CLASP2: variants seen among roughly 807,000 people sequenced by gnomAD.
The protein encoded by CLASP2 is cytoplasmic linker associated protein 2.
Under a neutral mutation model 194.4 loss-of-function variants are expected in CLASP2, and 47 were observed. The observed-to-expected ratio is 0.24, with a 90% confidence interval of 0.19 to 0.31. CLASP2 has a LOEUF of 0.31. Among genes scored for constraint, CLASP2 ranks in the 10% least tolerant of loss-of-function variants. The probability of loss-of-function intolerance (pLI) is 1.00; values close to 1 mark genes in which losing one functional copy is unlikely to be tolerated. For missense variants in CLASP2, 1,445 were observed against 1,823.6 expected, an observed-to-expected ratio of 0.79 and a Z score of 3.78; for synonymous variants, 619 against 633.5, an observed-to-expected ratio of 0.98 and a Z score of 0.34.
chr3:33,717,505 C>A (rs899849813), intron 1 of CLASP2, among the ~76,000 whole-genome samples: 3 of 152,094 alleles, frequency 2.0e-5, no homozygotes, highest in African/African-American at 7.2e-5. Context: ...CGGCTCACTG[C>A]AACCTCTGCC....
Position 33,688,308 on chromosome 3 carries a change from C to T in CLASP2, c.439G>A (p.Val147Met), listed in dbSNP as rs534242099. Residue 147 changes from valine to methionine, a missense_variant, in exon 4 of 39, where the codon GTG (valine) becomes ATG (methionine). This residue lies in a region of CLASP2 where 332 missense variants were observed against 325.3 expected (regional missense o/e 1.02). Coordinates refer to ENST00000682230, the MANE Select transcript of CLASP2 (RefSeq NM_001365631.1). The stretch of plus-strand genomic sequence containing the variant: ...AAGGTTTCAATAAGACACAGACACA[C>T]GCCTTCTCGAGATCGAAAATTCTTG... The part of the protein sequence containing the change: ...KHKNFRSREG[V>M]CLCLIETLNI... 65 of 1,591,162 alleles carry T rather than the reference C, an allele frequency of 4.1e-5. No individual in the cohort carries two copies. Among genetic ancestry groups the T allele is most frequent in the Middle Eastern group, 1.7e-4 (1 of 6,030 alleles).
At chr3:33,512,480 C>T (rs1488232715) in intron 36 of CLASP2, among the ~76,000 whole-genome samples, 1 of 35,008 alleles carries the variant, frequency 2.9e-5, no homozygotes, top group Non-Finnish European at 4.9e-5. Flanking sequence ...GTGGGTGCAG[C>T]GCACCAGCAT....
At chr3:33,703,508 C>A (rs2092502533) in intron 1 of CLASP2, among the ~76,000 whole-genome samples, 1 of 152,188 alleles carries the variant, frequency 6.6e-6, no homozygotes, top group Non-Finnish European at 1.5e-5. Flanking sequence ...GGTGGGAATG[C>A]AAAACAGTAC....
intron 30 of CLASP2, among the ~76,000 whole-genome samples, chr3:33,548,041 G>A (rs1327477834): frequency 2.0e-5 from 3 of 151,916 alleles, no homozygotes; most frequent in Non-Finnish European, 2.9e-5. Context: ...CTCCTAAAGT[G>A]CTGGGATTAC....
At chr3:33,595,240 A>G (rs1454046116) in intron 19 of CLASP2, among the ~76,000 whole-genome samples, 2 of 152,094 alleles carry the variant, frequency 1.3e-5, no homozygotes, top group Non-Finnish European at 1.5e-5. Flanking sequence ...GCATTCTTAA[A>G]ATTTGAAATG....
intron 21 of CLASP2, among the ~76,000 whole-genome samples, chr3:33,585,772 A>G (rs1404734550): frequency 6.6e-6 from 1 of 152,020 alleles, no homozygotes; most frequent in Non-Finnish European, 1.5e-5. Flanking sequence ...ATATGTGGTC[A>G]CTGATTAAAT....
At chr3:33,526,948 G>A (rs1022354848) in intron 34 of CLASP2, among the ~76,000 whole-genome samples, 3 of 152,096 alleles carry the variant, frequency 2.0e-5, no homozygotes, top group Admixed American at 6.5e-5. Flanking sequence ...AAAGATACAA[G>A]ACATTAGAAT....
chr3:33,668,918 G>C (rs1280795297), intron 6 of CLASP2, among the ~76,000 whole-genome samples: 1 of 152,208 alleles, frequency 6.6e-6, no homozygotes, highest in African/African-American at 2.4e-5. Flanking sequence ...GGTAAGAATG[G>C]CTAGGGGTAA....
At chr3:33,546,067 T>C (rs1438808253) in intron 30 of CLASP2, among the ~76,000 whole-genome samples, 2 of 152,214 alleles carry the variant, frequency 1.3e-5, no homozygotes, top group African/African-American at 4.8e-5. Context: ...TCATACTTTT[T>C]TTTGGAACCA....
chr3:33,580,028 A>C (rs2065688665), intron 23 of CLASP2, among the ~76,000 whole-genome samples: 1 of 152,202 alleles, frequency 6.6e-6, no homozygotes, highest in Non-Finnish European at 1.5e-5. Context: ...ATATGAACTA[A>C]AAATATCTCT....
At chr3:33,524,968 A>G (rs1328835353) in intron 34 of CLASP2, among the ~76,000 whole-genome samples, 1 of 152,240 alleles carries the variant, frequency 6.6e-6, no homozygotes, top group Non-Finnish European at 1.5e-5. Context: ...AAACAACTAC[A>G]TCCAACAGAC....
At chr3:33,657,050 G>A (rs1007037288) in intron 7 of CLASP2, among the ~76,000 whole-genome samples, 1 of 152,018 alleles carries the variant, frequency 6.6e-6, no homozygotes, top group Non-Finnish European at 1.5e-5. Context: ...AGGGATTTTT[G>A]CTTTACCTTC....
intron 21 of CLASP2, among the ~76,000 whole-genome samples, chr3:33,591,142 A>G (rs912169835): frequency 2.0e-5 from 3 of 151,754 alleles, no homozygotes; most frequent in African/African-American, 7.3e-5. Context: ...GTGCCACTGC[A>G]CTATAGCCTG....
intron 12 of CLASP2, among the ~76,000 whole-genome samples, chr3:33,617,324 C>T (rs543935678): frequency 2.6e-5 from 4 of 152,084 alleles, no homozygotes; most frequent in Non-Finnish European, 4.4e-5. Context: ...AAATTTATTA[C>T]ATGAAAACAA....
intron 6 of CLASP2, among the ~76,000 whole-genome samples, chr3:33,669,862 C>T (rs1269804431): frequency 1.3e-5 from 2 of 152,124 alleles, no homozygotes. Flanking sequence ...CTGTCCATAT[C>T]AACTAAATGC....
At chr3:33,660,732 G>A (rs960783685) in intron 7 of CLASP2, among the ~76,000 whole-genome samples, 2 of 152,132 alleles carry the variant, frequency 1.3e-5, no homozygotes, top group African/African-American at 4.8e-5. Context: ...ACCAAGTGAG[G>A]GAGAGAAAAG....
chr3:33,614,689 A>G (rs535244760), intron 12 of CLASP2, among the ~76,000 whole-genome samples: 9 of 152,148 alleles, frequency 5.9e-5, no homozygotes, highest in Admixed American at 1.3e-4. Context: ...ATGGTGGCTC[A>G]CGCCTGTAAT....
chr3:33,638,629 A>G (rs1157648859), intron 8 of CLASP2, among the ~76,000 whole-genome samples: 1 of 152,186 alleles, frequency 6.6e-6, no homozygotes, highest in Non-Finnish European at 1.5e-5. Context: ...TTAGTAAGAA[A>G]CACATAAACT....
chr3:33,553,952 C>T lies in CLASP2; in HGVS notation c.3010-2557G>A, dbSNP rs537903347. The stretch of plus-strand genomic sequence containing the variant: ...ATACCAAGATATGGAATCGGCCAGG[C>T]GCAGTGGCTCACGCCTGTAATCCCA... On this transcript the variant is annotated intron_variant, in intron 29 of 38. Coordinates refer to ENST00000682230, the MANE Select transcript of CLASP2 (RefSeq NM_001365631.1). Among the ~76,000 whole-genome samples the T allele has an allele frequency of 6.6e-4, 101 of 152,246 alleles. 1 individual carries two copies. The highest frequency in any genetic ancestry group is 2.2e-3 in the African/African-American group (90 of 41,556).
Sources: allele counts gnomAD v4.1 joint callset (sites outside exome capture counted in the v4.1 genomes callset), GRCh38; gene constraint gnomAD v4.1.1; regional missense constraint gnomAD v4.1.1; transcripts MANE v1.5; gene names NCBI Gene and HGNC (gene_info 2026-07-23, HGNC 2026-07-21).